The following SCD5 variants were observed in gnomAD, a reference collection of about 807,000 sequenced individuals.
SCD5 encodes the protein stearoyl-CoA desaturase 5.
SCD5 carries 20 observed loss-of-function variants against 30.4 expected under a neutral mutation model. That is an observed-to-expected ratio of 0.66 (90% CI 0.46 to 0.96). The LOEUF (loss-of-function observed/expected upper bound fraction) is 0.96, where lower values mean the gene tolerates loss of function less well. Ranked by LOEUF, SCD5 falls within the 40% of genes least tolerant of loss-of-function variation. SCD5 has a pLI of 0.00. For missense variants in SCD5, 381 were observed against 443.3 expected (o/e 0.86, Z 1.26); for synonymous variants, 173 against 176.4 (o/e 0.98, Z 0.16).
chr4:82,632,435 A>G (rs1727316243), intron 4 of SCD5, among the ~76,000 whole-genome samples: 1 of 151,890 alleles, frequency 6.6e-6, no homozygotes, highest in Non-Finnish European at 1.5e-5. Context: ...CCAGTCTATC[A>G]TTGATGGATA....
chr4:82,711,188 C>A (rs1054322351), intron 1 of SCD5, among the ~76,000 whole-genome samples: 2 of 152,094 alleles, frequency 1.3e-5, no homozygotes, highest in Non-Finnish European at 2.9e-5. Context: ...AAAGATCCCC[C>A]CCCCGATAAC....
At chr4:82,671,082 A>G (rs1350029256) in intron 3 of SCD5, among the ~76,000 whole-genome samples, 1 of 152,202 alleles carries the variant, frequency 6.6e-6, no homozygotes, top group African/African-American at 2.4e-5. Context: ...AAAAGAAGGT[A>G]GGAGTACCTA....
intron 4 of SCD5, among the ~76,000 whole-genome samples, chr4:82,635,088 T>C (rs1423159924): frequency 6.6e-6 from 1 of 152,184 alleles, no homozygotes; most frequent in Non-Finnish European, 1.5e-5. Context: ...TACTTAACAG[T>C]AGGAACTTTC....
At chr4:82,795,938 A>AT (rs1158973676) in intron 1 of SCD5, among the ~76,000 whole-genome samples, 6,258 of 141,720 alleles carry the variant, frequency 0.044, 330 homozygotes, top group African/African-American at 0.13. Flanking sequence ...ATTGTCTGCT[A>AT]TTTTTTTTTT....
At chr4:82,767,996 C>CT (rs1721529368) in intron 1 of SCD5, among the ~76,000 whole-genome samples, 1 of 152,092 alleles carries the variant, frequency 6.6e-6, no homozygotes, top group South Asian at 2.1e-4. Context: ...AAGTGTCAAA[C>CT]TTACAAGAAA....
At chr4:82,768,705 G>A (rs1280706678) in intron 1 of SCD5, among the ~76,000 whole-genome samples, 1 of 152,178 alleles carries the variant, frequency 6.6e-6, no homozygotes, top group Admixed American at 6.6e-5. Context: ...GTAAAGGTGC[G>A]AGTCAAAGAA....
Position 82,636,966 on chromosome 4 carries a change from C to A in SCD5, c.570-143G>T, listed in dbSNP as rs1577999494. 18 of 680,090 alleles carry A rather than the reference C, an allele frequency of 2.6e-5. No homozygotes were observed. The East Asian group carries it at 4.9e-4, about 19-fold the overall frequency. 42.1% of individuals were successfully genotyped at this position (680,090 alleles called of 1,614,324 possible). On this transcript the variant is annotated intron_variant, in intron 3 of 4. Coordinates refer to ENST00000319540, the MANE Select transcript of SCD5 (RefSeq NM_001037582.3). ...CTTCAACGCTTTCTATATGTGGAAGCCTGTTGTGTAGGGGTCACAAGACCC... is the reference window on the plus strand; with the variant it reads ...CTTCAACGCTTTCTATATGTGGAAGACTGTTGTGTAGGGGTCACAAGACCC...
chr4:82,640,217 C>A (rs1727514327), intron 3 of SCD5, among the ~76,000 whole-genome samples: 2 of 152,324 alleles, frequency 1.3e-5, no homozygotes, highest in Middle Eastern at 6.8e-3. Context: ...TAAAGAGTCT[C>A]CTGCCTGCCT....
intron 3 of SCD5, among the ~76,000 whole-genome samples, chr4:82,670,750 ATTGATATGGCAAAT>A (rs1294895822): frequency 6.6e-6 from 1 of 151,972 alleles, no homozygotes; most frequent in South Asian, 2.1e-4. Flanking sequence ...TTCCATGTCA[ATTGATATGGCAAAT>A]ATCAATTCCA....
At chr4:82,739,244 G>T (rs371247048) in intron 1 of SCD5, among the ~76,000 whole-genome samples, 7 of 152,260 alleles carry the variant, frequency 4.6e-5, no homozygotes, top group Admixed American at 2.6e-4. Context: ...CATGCCAGGG[G>T]AAGGCAGTGG....
chr4:82,695,010 C>CAACCAGGCGTTCTGGTTGGTTG (rs1553916441), intron 2 of SCD5, among the ~76,000 whole-genome samples: 2 of 130,646 alleles, frequency 1.5e-5, no homozygotes, highest in Non-Finnish European at 3.2e-5. Flanking sequence ...GCCTGGGGAC[C>CAACCAGGCGTTCTGGTTGGTTG]CCACTACTGT....
chr4:82,660,955 A>G (rs755003070), intron 3 of SCD5: 5 of 1,614,104 alleles, frequency 3.1e-6, no homozygotes, highest in Non-Finnish European at 4.2e-6. Flanking sequence ...AGTATGTAAC[A>G]AAGCTAAAAT....
chr4:82,673,857 A>G (rs1241509382), intron 3 of SCD5, among the ~76,000 whole-genome samples: 3 of 152,194 alleles, frequency 2.0e-5, no homozygotes, highest in African/African-American at 7.2e-5. Flanking sequence ...CCACATAAAT[A>G]TAGTCAACTG....
At chr4:82,713,314 T>G (rs774358712) in intron 1 of SCD5, among the ~76,000 whole-genome samples, 4 of 133,944 alleles carry the variant, frequency 3.0e-5, no homozygotes, top group Non-Finnish European at 7.1e-5. Flanking sequence ...TTTTCCTGGT[T>G]GATTTACAGC....
At chr4:82,642,741 C>G (rs1177169909) in intron 3 of SCD5, among the ~76,000 whole-genome samples, 1 of 152,212 alleles carries the variant, frequency 6.6e-6, no homozygotes, top group East Asian at 1.9e-4. Flanking sequence ...AATTGGGGAA[C>G]ATTTAAAAGT....
intron 1 of SCD5, among the ~76,000 whole-genome samples, chr4:82,758,787 C>T (rs959186213): frequency 6.6e-6 from 1 of 152,106 alleles, no homozygotes; most frequent in Non-Finnish European, 1.5e-5. Context: ...GGCCGGCACC[C>T]GCGGAGCTCA....
At position 82,752,935 on chromosome 4, in the gene SCD5, A is replaced by G. The variant is rs78198769; in HGVS notation, c.232+45371T>C. On this transcript the variant is annotated intron_variant, in intron 1 of 4. Transcript: ENST00000319540. ...GTCCTCTTTGCTACCATTAAAATAT[A>G]TCTTTTACTTAATTCCCTGCCCTCT... is the stretch of plus-strand genomic sequence containing the variant. Among the ~76,000 whole-genome samples the G allele has an allele frequency of 6.6e-3, 1,001 of 152,286 alleles. 15 individuals are homozygous for G. Among genetic ancestry groups the G allele is most frequent in the African/African-American group, 0.023 (966 of 41,542 alleles).
At chr4:82,730,774 C>T (rs186105636) in intron 1 of SCD5, among the ~76,000 whole-genome samples, 15 of 151,890 alleles carry the variant, frequency 9.9e-5, no homozygotes, top group African/African-American at 3.1e-4. Context: ...TTAGTAGAGA[C>T]GGGGTTTCAC....
chr4:82,683,947 G>A (rs1232439474), intron 2 of SCD5, among the ~76,000 whole-genome samples: 3 of 152,166 alleles, frequency 2.0e-5, no homozygotes, highest in Non-Finnish European at 4.4e-5. Context: ...CCAGTCTCAG[G>A]TAGTTATTTA....
Sources: gnomAD v4.1 joint callset for allele counts (sites outside exome capture counted in the v4.1 genomes callset) on GRCh38, gnomAD v4.1.1 for gene constraint, MANE v1.5 for transcripts, NCBI Gene and HGNC (gene_info 2026-07-23, HGNC 2026-07-21) for gene names.